Variants in COL4A1 observed in about 807,000 individuals in gnomAD.
The protein encoded by COL4A1 is collagen type IV alpha 1 chain.
A neutral mutation model predicts 216.6 loss-of-function variants in COL4A1; 40 were observed. That is an observed-to-expected ratio of 0.18 (90% CI 0.14 to 0.24). COL4A1 has a LOEUF of 0.24. Ranked by LOEUF, COL4A1 falls within the 10% of genes least tolerant of loss-of-function variation. The probability of loss-of-function intolerance (pLI) is 1.00; values close to 1 mark genes in which losing one functional copy is unlikely to be tolerated. For synonymous variants in COL4A1, 839 were observed against 810.7 expected (o/e 1.03, Z -0.59); for missense variants, 1,628 against 2,196.8 (o/e 0.74, Z 5.18).
chr13:110,219,678 G>GCATATATA (rs1880288634), intron 2 of COL4A1, among the ~76,000 whole-genome samples: 1 of 123,236 alleles, frequency 8.1e-6, no homozygotes, highest in Non-Finnish European at 1.6e-5. Flanking sequence ...ATATATATAT[G>GCATATATA]TGTATATATA....
intron 26 of COL4A1, among the ~76,000 whole-genome samples, 188 bp downstream of exon 26, chr13:110,186,197 A>C (rs1878396846): frequency 6.6e-6 from 1 of 152,210 alleles, no homozygotes; most frequent in Admixed American, 6.5e-5. Flanking sequence ...CTGGCCCATC[A>C]CATACATGAG....
rs377299204 is a variant in COL4A1 at position 110,212,629 on chromosome 13, G to A, written c.280-11C>T. On this transcript the variant is annotated splice_polypyrimidine_tract_variant and intron_variant, in intron 4 of 51. Transcript: ENST00000375820. ...TGCTCCCGGAGGTCCCTGTGAGGGC[G>A]GAAGTAAAAGCGTGTCAGTGAAGAG... The A allele has an allele frequency of 4.3e-5, 70 of 1,613,552 alleles. No homozygotes were observed. Among genetic ancestry groups the A allele is most frequent in the Admixed American group, 1.0e-4 (6 of 60,006 alleles).
chr13:110,196,915 T>A (rs1566366058), intron 21 of COL4A1, among the ~76,000 whole-genome samples: 2 of 152,218 alleles, frequency 1.3e-5, no homozygotes, highest in African/African-American at 2.4e-5. Context: ...ACAAATCTCA[T>A]TTCTAAATTA....
intron 24 of COL4A1, chr13:110,191,663 G>A (rs1594565405): frequency 5.8e-6 from 4 of 686,156 alleles, no homozygotes; most frequent in African/African-American, 1.8e-5. Context: ...CACAATAGAT[G>A]TTGTAACAGA....
At chr13:110,219,682 A>ATATATATGTATATATGTATATATATG (rs1555307866) in intron 2 of COL4A1, among the ~76,000 whole-genome samples, 10 of 133,688 alleles carry the variant, frequency 7.5e-5, no homozygotes, top group African/African-American at 2.9e-4. Flanking sequence ...ATATATGTGT[A>ATATATATGTATATATGTATATATATG]TATATATGTA....
chr13:110,195,532 T>C (rs955848868), intron 21 of COL4A1, among the ~76,000 whole-genome samples: 2 of 152,156 alleles, frequency 1.3e-5, no homozygotes, highest in Non-Finnish European at 2.9e-5. Flanking sequence ...ATTTTCTTCC[T>C]TTTTTCCCCC....
chr13:110,193,779 G>T (rs1220990586), intron 22 of COL4A1, among the ~76,000 whole-genome samples: 2 of 152,204 alleles, frequency 1.3e-5, no homozygotes, highest in Non-Finnish European at 2.9e-5. Flanking sequence ...GCAGGCACAT[G>T]GTTTCATTTC....
At chr13:110,242,587 T>A in intron 2 of COL4A1, 88 bp downstream of exon 2, 1 of 1,424,854 alleles carries the variant, frequency 7.0e-7, no homozygotes. Flanking sequence ...GGCTTTCACC[T>A]GAATTGCTGA....
chr13:110,220,758 A>G (rs1165573599), intron 2 of COL4A1, among the ~76,000 whole-genome samples: 1 of 152,116 alleles, frequency 6.6e-6, no homozygotes, highest in Admixed American at 6.5e-5. Flanking sequence ...CTGTGTGAAG[A>G]ATGGGAGAGA....
intron 17 of COL4A1, among the ~76,000 whole-genome samples, chr13:110,205,109 GA>G (rs1179356481): frequency 6.6e-6 from 1 of 151,786 alleles, no homozygotes; most frequent in Non-Finnish European, 1.5e-5. Context: ...TTATGATCAG[GA>G]AAAAAATAAT....
intron 24 of COL4A1, chr13:110,191,279 A>G (rs889529080): frequency 6.1e-6 from 1 of 163,404 alleles, no homozygotes; most frequent in Non-Finnish European, 1.3e-5. Context: ...GCTTCCAGCA[A>G]TATCTTTAAA....
chr13:110,252,840 G>T (rs1481976546), intron 1 of COL4A1, among the ~76,000 whole-genome samples: 2 of 129,972 alleles, frequency 1.5e-5, no homozygotes, highest in African/African-American at 2.9e-5. Flanking sequence ...TACATATACA[G>T]ATAACTATAA....
At chr13:110,161,815 A>C in intron 48 of COL4A1, 1 of 325,042 alleles carries the variant, frequency 3.1e-6, no homozygotes, top group Non-Finnish European at 5.9e-6. Flanking sequence ...AAACTAGAGG[A>C]GCAGAGCTCA....
At chr13:110,173,767 T>C in intron 40 of COL4A1, 133 bp downstream of exon 40, 1 of 973,680 alleles carries the variant, frequency 1.0e-6, no homozygotes, top group Non-Finnish European at 1.6e-6. Flanking sequence ...CACATCAGTG[T>C]TTAAGTAGTT....
intron 32 of COL4A1, 33 bp downstream of exon 32, chr13:110,178,031 A>G: frequency 6.2e-7 from 1 of 1,614,162 alleles, no homozygotes. Flanking sequence ...TGTCTTCATG[A>G]TGGATCCAGG....
intron 1 of COL4A1, among the ~76,000 whole-genome samples, chr13:110,248,622 G>A (rs1430235263): frequency 1.3e-5 from 2 of 152,320 alleles, no homozygotes; most frequent in East Asian, 1.9e-4. Flanking sequence ...CTCCCGAGTG[G>A]CTGGGACTAC....
At chr13:110,155,132 C>T in intron 50 of COL4A1, 151 bp downstream of exon 50, 3 of 717,588 alleles carry the variant, frequency 4.2e-6, no homozygotes, top group Middle Eastern at 2.3e-4. Context: ...GGCTTTGAGG[C>T]ATGCTTTGGA....
chr13:110,152,970 C>G (rs763256096), intron 50 of COL4A1, among the ~76,000 whole-genome samples: 11 of 152,050 alleles, frequency 7.2e-5, no homozygotes, highest in Non-Finnish European at 1.5e-4. Context: ...AATAATCATT[C>G]AATTTTTTTT....
In COL4A1 at chr13:110,242,665, G is replaced by A. The variant is rs372280352; in HGVS notation, c.144+10C>T. On this transcript the variant is annotated intron_variant, in intron 2 of 51. Coordinates refer to ENST00000375820, the MANE Select transcript of COL4A1 (RefSeq NM_001845.6). ...AAAGAAATGTTGTGATTTAAATTTCGGCAACTCACCTTTTGTCCCTTCACT... is the reference window on the plus strand; with the variant it reads ...AAAGAAATGTTGTGATTTAAATTTCAGCAACTCACCTTTTGTCCCTTCACT... The A allele has an allele frequency of 1.8e-5, 29 of 1,613,870 alleles. No individual in the cohort carries two copies. Among genetic ancestry groups the A allele is most frequent in the East Asian group, 8.9e-5 (4 of 44,888 alleles).
Sources: gnomAD v4.1 joint callset for allele counts (sites outside exome capture counted in the v4.1 genomes callset) on GRCh38, gnomAD v4.1.1 for gene constraint, MANE v1.5 for transcripts, NCBI Gene and HGNC (gene_info 2026-07-23, HGNC 2026-07-21) for gene names.